PHLPP1: variants seen among roughly 807,000 people sequenced by gnomAD.
PHLPP1 encodes PH domain and leucine rich repeat protein phosphatase 1.
A neutral mutation model predicts 117.2 loss-of-function variants in PHLPP1; 42 were observed. The observed-to-expected ratio is 0.36, with a 90% confidence interval of 0.28 to 0.46. The LOEUF (loss-of-function observed/expected upper bound fraction) is 0.46. Among genes scored for constraint, PHLPP1 ranks in the 20% least tolerant of loss-of-function variants. The pLI, the probability that PHLPP1 is intolerant of heterozygous loss-of-function variation, is 1.00. For missense variants in PHLPP1, 2,084 were observed against 2,241.9 expected (o/e 0.93, Z 1.42); for synonymous variants, 1,042 against 970.7 (o/e 1.07, Z -1.37).
intron 1 of PHLPP1, among the ~76,000 whole-genome samples, chr18:62,759,265 C>A (rs1449590561): frequency 6.6e-6 from 1 of 152,082 alleles, no homozygotes; most frequent in Admixed American, 6.5e-5. Flanking sequence ...CTTGCAACCT[C>A]AAAAAGTTTG....
At chr18:62,941,956 T>G in intron 11 of PHLPP1, 38 bp downstream of exon 11, 2 of 1,490,518 alleles carry the variant, frequency 1.3e-6, no homozygotes, top group Non-Finnish European at 1.9e-6. Context: ...TGAATTGCAT[T>G]TCTCAAAGTG....
At chr18:62,724,236 A>G (rs1248768186) in intron 1 of PHLPP1, among the ~76,000 whole-genome samples, 1 of 152,208 alleles carries the variant, frequency 6.6e-6, no homozygotes, top group Non-Finnish European at 1.5e-5. Context: ...TCTTAAATTA[A>G]CTTAGCAAGA....
intron 3 of PHLPP1, among the ~76,000 whole-genome samples, chr18:62,845,127 G>A (rs750396071): frequency 2.6e-5 from 4 of 152,192 alleles, no homozygotes; most frequent in Non-Finnish European, 2.9e-5. Flanking sequence ...ATAACATGGT[G>A]ACGATGAAAA....
At chr18:62,957,226 C>T (rs532254355) in intron 12 of PHLPP1, among the ~76,000 whole-genome samples, 78 of 152,324 alleles carry the variant, frequency 5.1e-4, no homozygotes, top group African/African-American at 1.7e-3. Flanking sequence ...CCTAGGTTCC[C>T]TGCTCCCTGA....
chr18:62,830,416 A>G (rs1050358650), intron 2 of PHLPP1, among the ~76,000 whole-genome samples, 185 bp downstream of exon 2: 3 of 152,112 alleles, frequency 2.0e-5, no homozygotes, highest in Non-Finnish European at 2.9e-5. Flanking sequence ...TTTAGTAGAG[A>G]TGGGGTTTCA....
At chr18:62,871,533 G>A (rs1287427363) in intron 4 of PHLPP1, among the ~76,000 whole-genome samples, 5 of 151,886 alleles carry the variant, frequency 3.3e-5, no homozygotes, top group East Asian at 1.9e-4. Flanking sequence ...TCACCATGTC[G>A]GCCAGTCTGG....
At chr18:62,852,560 G>A (rs533624395) in intron 3 of PHLPP1, among the ~76,000 whole-genome samples, 1 of 152,206 alleles carries the variant, frequency 6.6e-6, no homozygotes. Flanking sequence ...AGCCAGGATG[G>A]TCTCGATCTC....
intron 4 of PHLPP1, among the ~76,000 whole-genome samples, chr18:62,864,425 AC>A (rs199571240): frequency 0.032 from 4,801 of 152,274 alleles, 125 homozygotes; most frequent in Non-Finnish European, 0.051. Flanking sequence ...TGATATTCCT[AC>A]CTAACTATGA....
intron 4 of PHLPP1, among the ~76,000 whole-genome samples, chr18:62,878,252 T>C (rs1425459469): frequency 1.3e-5 from 2 of 152,228 alleles, no homozygotes; most frequent in Non-Finnish European, 2.9e-5. Flanking sequence ...ATTTTGTTGA[T>C]GGTGAAGTGT....
rs569551998 is a variant in PHLPP1 at position 62,978,820 on chromosome 18, C to T, written c.4543C>T (p.Arg1515Cys). The T allele has an allele frequency of 9.9e-6, 16 of 1,610,338 alleles. No individual in the cohort carries two copies. The highest frequency in any genetic ancestry group is 4.5e-5 in the East Asian group (2 of 44,654). Residue 1515 changes from arginine to cysteine, a missense_variant, in exon 17 of 17, where the codon CGC becomes TGC. By Grantham distance (180) the Arg-to-Cys change is radical. This residue lies in a region of PHLPP1 where 1,365 missense variants were observed against 1,605.9 expected (regional missense o/e 0.85). Transcript: ENST00000262719. The surrounding 1 kb of genome is among the most constrained non-coding windows in gnomAD (Gnocchi z 7.0). ...ENSPAYPSEQ[R>C]CMLHPICLSN... ...CAGCCCTGCCTACCCCAGTGAGCAG[C>T]GCTGCATGCTCCACCCCATCTGTCT... is the stretch of plus-strand genomic sequence containing the variant.
intron 2 of PHLPP1, chr18:62,832,086 C>G (rs1392682027): frequency 6.6e-6 from 1 of 152,232 alleles, no homozygotes; most frequent in Non-Finnish European, 1.5e-5. Context: ...TCAACAGTCT[C>G]TCTCTTTGTG....
intron 1 of PHLPP1, among the ~76,000 whole-genome samples, chr18:62,723,211 G>A (rs1910975193): frequency 6.6e-6 from 1 of 152,172 alleles, no homozygotes; most frequent in Non-Finnish European, 1.5e-5. Context: ...TTTGTTTGGA[G>A]GTTGCACATA....
intron 14 of PHLPP1, among the ~76,000 whole-genome samples, chr18:62,970,184 G>A (rs1319088190): frequency 6.6e-6 from 1 of 152,128 alleles, no homozygotes; most frequent in Non-Finnish European, 1.5e-5. Context: ...TTACCTTCAA[G>A]TAATAGTAAT....
chr18:62,958,365 GATAAA>G (rs1910678096), intron 12 of PHLPP1, among the ~76,000 whole-genome samples: 1 of 152,190 alleles, frequency 6.6e-6, no homozygotes, highest in South Asian at 2.1e-4. Context: ...TAAACGTGGA[GATAAA>G]ATTAAGTGAA....
At chr18:62,804,459 C>T (rs372141450) in intron 1 of PHLPP1, among the ~76,000 whole-genome samples, 10 of 152,054 alleles carry the variant, frequency 6.6e-5, no homozygotes, top group African/African-American at 2.4e-4. Context: ...CACCTGTAAT[C>T]CCAGCACCTT....
chr18:62,930,227 T>G (rs1220384588), intron 10 of PHLPP1, among the ~76,000 whole-genome samples: 1 of 152,110 alleles, frequency 6.6e-6, no homozygotes, highest in Non-Finnish European at 1.5e-5. Context: ...ATATATCCTA[T>G]AGAGAGGGAA....
chr18:62,804,061 C>A (rs1913864489), intron 1 of PHLPP1, among the ~76,000 whole-genome samples: 1 of 152,100 alleles, frequency 6.6e-6, no homozygotes, highest in Non-Finnish European at 1.5e-5. Context: ...GTAATTGACT[C>A]ACAGTTCCAA....
Position 62,963,422 on chromosome 18 carries a change from C to A in PHLPP1, c.3510C>A (p.Ala1170=). 1 of 1,613,440 alleles carries A rather than the reference C, an allele frequency of 6.2e-7. No homozygotes were observed. The highest frequency in any genetic ancestry group is 1.1e-5 in the South Asian group (1 of 90,912). The change falls in exon 14 of 17, where the codon GCC becomes GCA. Residue 1170 remains alanine, a synonymous_variant. Coordinates refer to ENST00000262719, the MANE Select transcript of PHLPP1 (RefSeq NM_194449.4). ...DQPSTGDASG[A]PAVWSHGYTE... is the part of the protein sequence containing the mutation. ...CTTCTACAGGAGACGCTTCCGGAGC[C>A]CCAGCTGTATGGAGTCATGGTTACA... is the stretch of plus-strand genomic sequence containing the variant.
chr18:62,882,530 A>G (rs950433234), intron 4 of PHLPP1, among the ~76,000 whole-genome samples: 1 of 152,152 alleles, frequency 6.6e-6, no homozygotes, highest in African/African-American at 2.4e-5. Context: ...AAGTGCTGGG[A>G]TTACAGGCAT....
Sources: gnomAD v4.1 joint callset for allele counts (sites outside exome capture counted in the v4.1 genomes callset) on GRCh38, gnomAD v4.1.1 for gene constraint, gnomAD v4.1.1 regional missense constraint, Gnocchi (gnomAD v3.1) non-coding constraint, MANE v1.5 for transcripts, NCBI Gene and HGNC (gene_info 2026-07-23, HGNC 2026-07-21) for gene names.